MYO1E: variants seen among roughly 807,000 people sequenced by gnomAD.
MYO1E encodes the protein myosin IE, also known as unconventional myosin-Ie.
Under a neutral mutation model 151.1 loss-of-function variants are expected in MYO1E, and 68 were observed. The ratio of observed to expected loss-of-function variants is 0.45; its 90% confidence interval spans 0.37 to 0.55. The LOEUF is 0.55. Ranked by LOEUF, MYO1E falls within the 20% of genes least tolerant of loss-of-function variation. The pLI is 0.00. For missense variants in MYO1E, 1,363 were observed against 1,389.3 expected (o/e 0.98, Z 0.30); for synonymous variants, 601 against 501.7 (o/e 1.20, Z -2.64).
At chr15:59,218,917 C>T (rs1181805186) in intron 9 of MYO1E, among the ~76,000 whole-genome samples, 1 of 152,154 alleles carries the variant, frequency 6.6e-6, no homozygotes, top group African/African-American at 2.4e-5. Context: ...GCACTGGCTA[C>T]AGGTGAAAGT....
intron 1 of MYO1E, among the ~76,000 whole-genome samples, chr15:59,335,750 G>A (rs761991907): frequency 7.9e-5 from 12 of 152,076 alleles, no homozygotes; most frequent in African/African-American, 2.4e-4. Context: ...AACTTAGTCC[G>A]GCATTTTGAG....
At chr15:59,181,350 G>A (rs1028951971) in intron 18 of MYO1E, among the ~76,000 whole-genome samples, 38 of 152,124 alleles carry the variant, frequency 2.5e-4, no homozygotes, top group African/African-American at 8.5e-4. Flanking sequence ...TCTGTATTTG[G>A]GCTTATTTCT....
chr15:59,352,289 C>T lies in MYO1E; in HGVS notation c.3+20209G>A, dbSNP rs528580622. On this transcript the variant is annotated intron_variant, in intron 1 of 27. Coordinates refer to ENST00000288235, the MANE Select transcript of MYO1E (RefSeq NM_004998.4). ...GAAAGCTTGGGATATTTGGCACGTC[C>T]CTAACCTTGGAAGATGATATCCTGG... Among the ~76,000 whole-genome samples the T allele has an allele frequency of 4.7e-4, 71 of 152,242 alleles. 1 individual carries two copies. The South Asian group carries it at 0.013, about 28-fold the overall frequency.
At chr15:59,313,451 A>C (rs1434336115) in intron 1 of MYO1E, among the ~76,000 whole-genome samples, 1 of 152,204 alleles carries the variant, frequency 6.6e-6, no homozygotes, top group Non-Finnish European at 1.5e-5. Flanking sequence ...AATTGTGGTT[A>C]TCTAGGACCC....
chr15:59,146,864 C>G (rs1286731854), intron 26 of MYO1E, among the ~76,000 whole-genome samples: 1 of 152,194 alleles, frequency 6.6e-6, no homozygotes. Flanking sequence ...AATTTGTACA[C>G]ATCACTTTAT....
In MYO1E at chr15:59,158,303, A is replaced by C; in HGVS notation, c.2862T>G (p.Ala954=). 6.3e-7 allele frequency: 1 copy of C among 1,575,072 alleles called. No homozygotes were observed. The highest frequency in any genetic ancestry group is 8.6e-7 in the Non-Finnish European group (1 of 1,158,046). The change falls in exon 25 of 28, where the codon GCT becomes GCG. Residue 954 remains alanine (A), a synonymous_variant. Transcript: ENST00000288235. ...CTGGCTTACCTGGGGGAGGAGGGGC[A>C]GCTCTCACTGGGTAGTTGGCATTTT... ...GTQNANYPVR[A]APPPPGYHQN...
intron 1 of MYO1E, among the ~76,000 whole-genome samples, chr15:59,351,054 G>A (rs776377327): frequency 9.2e-5 from 14 of 152,106 alleles, no homozygotes; most frequent in Non-Finnish European, 1.0e-4. Flanking sequence ...CCACCACCAC[G>A]CCCAGCTAAT....
At chr15:59,280,121 A>ATCCCT (rs1258027259) in intron 1 of MYO1E, among the ~76,000 whole-genome samples, 1 of 152,110 alleles carries the variant, frequency 6.6e-6, no homozygotes, top group Non-Finnish European at 1.5e-5. Context: ...CAGCTTGCAG[A>ATCCCT]TATAGCAAAC....
chr15:59,226,946 T>C (rs1401653537), intron 7 of MYO1E, among the ~76,000 whole-genome samples: 1 of 152,234 alleles, frequency 6.6e-6, no homozygotes, highest in Non-Finnish European at 1.5e-5. Flanking sequence ...ACTTTTCAAT[T>C]TGGCATTAAA....
chr15:59,227,673 T>C (rs1224722224), intron 6 of MYO1E, 83 bp from the exon 7 acceptor site: 2 of 1,517,672 alleles, frequency 1.3e-6, no homozygotes, highest in African/African-American at 2.8e-5. Context: ...AGTATATAAT[T>C]CAAGGAAATT....
intron 18 of MYO1E, among the ~76,000 whole-genome samples, chr15:59,180,214 A>G (rs779084992): frequency 1.3e-4 from 20 of 152,246 alleles, no homozygotes; most frequent in African/African-American, 1.7e-4. Context: ...ATTAGCATGA[A>G]TAACATTCAT....
chr15:59,223,764 G>A (rs1344415196), intron 8 of MYO1E, among the ~76,000 whole-genome samples: 1 of 152,146 alleles, frequency 6.6e-6, no homozygotes, highest in Non-Finnish European at 1.5e-5. Context: ...AGTTTCTGAG[G>A]TCCCTTAAAT....
intron 18 of MYO1E, among the ~76,000 whole-genome samples, chr15:59,184,366 CT>C: frequency 6.6e-6 from 1 of 151,550 alleles, no homozygotes; most frequent in Non-Finnish European, 1.5e-5. Context: ...AACACATTTT[CT>C]TTTTTTTGAG....
chr15:59,300,818 C>T (rs912362671), intron 1 of MYO1E, among the ~76,000 whole-genome samples: 2 of 150,944 alleles, frequency 1.3e-5, no homozygotes, highest in African/African-American at 4.9e-5. Context: ...ATAACAAACT[C>T]TTGGAGGAGG....
chr15:59,353,201 A>G (rs1313578505), intron 1 of MYO1E, among the ~76,000 whole-genome samples: 1 of 152,002 alleles, frequency 6.6e-6, no homozygotes, highest in African/African-American at 2.4e-5. Flanking sequence ...AATTATAAAA[A>G]TGCATTTAAG....
chr15:59,192,580 C>T (rs1486580739), intron 17 of MYO1E, among the ~76,000 whole-genome samples: 1 of 152,170 alleles, frequency 6.6e-6, no homozygotes, highest in African/African-American at 2.4e-5. Flanking sequence ...TATGCCAACT[C>T]CGTCTTGCAG....
At chr15:59,281,572 G>A (rs889917432) in intron 1 of MYO1E, among the ~76,000 whole-genome samples, 3 of 148,008 alleles carry the variant, frequency 2.0e-5, no homozygotes, top group Non-Finnish European at 4.5e-5. Flanking sequence ...CACCGCGCCC[G>A]GCCCCCATGA....
chr15:59,372,348 G>A, intron 1 of MYO1E, 150 bp downstream of exon 1: 1 of 963,494 alleles, frequency 1.0e-6, no homozygotes, highest in Non-Finnish European at 1.6e-6. Flanking sequence ...ACGGAAAGCG[G>A]CAGGAAATCA....
rs529377402 is a variant in MYO1E, at chr15:59,289,349, G to C, written c.4-16900C>G. 3.9e-5 allele frequency among the ~76,000 whole-genome samples: 6 copies of C among 152,314 alleles called. No homozygotes were observed. The South Asian group carries it at 1.0e-3, about 26-fold the overall frequency. ...AAATAATAAGTAATACCATTTGTGA[G>C]CCCTGACCCTCTGGCAATCAAACTG... On this transcript the variant is annotated intron_variant, in intron 1 of 27. Coordinates refer to ENST00000288235, the MANE Select transcript of MYO1E (RefSeq NM_004998.4).
Sources: gnomAD v4.1 joint callset for allele counts (sites outside exome capture counted in the v4.1 genomes callset) on GRCh38, gnomAD v4.1.1 for gene constraint, MANE v1.5 for transcripts, NCBI Gene and HGNC (gene_info 2026-07-23, HGNC 2026-07-21) for gene names.